EPSTI1: variants seen among roughly 807,000 people sequenced by gnomAD.
EPSTI1 encodes the protein epithelial-stromal interaction protein 1.
A neutral mutation model predicts 49.9 loss-of-function variants in EPSTI1; 66 were observed. The ratio of observed to expected loss-of-function variants is 1.32; its 90% CI spans 1.08 to 1.62. EPSTI1 has a LOEUF of 1.62. EPSTI1 is among the 40% of genes most tolerant of loss of function. The pLI, the probability that EPSTI1 is intolerant of heterozygous loss-of-function variation, is 0.00. For missense variants in EPSTI1, 394 were observed against 365.5 expected (o/e 1.08, Z -0.64); for synonymous variants, 137 against 130.7 (o/e 1.05, Z -0.33).
intron 10 of EPSTI1, among the ~76,000 whole-genome samples, chr13:42,892,411 T>A (rs1345025808): frequency 6.6e-6 from 1 of 152,090 alleles, no homozygotes; most frequent in East Asian, 1.9e-4. Context: ...ATAATGATGA[T>A]AAGGGTGGTG....
intron 2 of EPSTI1, chr13:42,969,407 G>GA (rs1435521662): frequency 2.1e-6 from 1 of 473,430 alleles, no homozygotes; most frequent in Non-Finnish European, 3.7e-6. Context: ...GTTCGAATTT[G>GA]AAAAACCACC....
chr13:42,921,971 A>T (rs372903785), intron 7 of EPSTI1, among the ~76,000 whole-genome samples: 1 of 152,256 alleles, frequency 6.6e-6, no homozygotes, highest in East Asian at 1.9e-4. Context: ...CTGTCAGAAG[A>T]CAGTCAAATG....
chr13:42,970,393 C>A, intron 2 of EPSTI1: 2 of 422,268 alleles, frequency 4.7e-6, no homozygotes, highest in Non-Finnish European at 8.3e-6. Context: ...CAGGATCTAC[C>A]ATCATGTCAT....
Position 42,969,155 on chromosome 13 carries a change from G to T in EPSTI1, c.270C>A (p.Asn90Lys). ...IQRIAEQELA[N>K]LEKWKEQNRA... Reference sequence around the variant, plus strand: ...TGTTCTGCTCCTTCCACTTCTCCAGGTTGGCCAGCTCCTGCTCCGCAACTA... The same window carrying T: ...TGTTCTGCTCCTTCCACTTCTCCAGTTTGGCCAGCTCCTGCTCCGCAACTA... Residue 90 changes from asparagine to lysine, a missense_variant, in exon 3 of 11, where the codon AAC (asparagine) becomes AAA (lysine). Physicochemically the swap from Asn to Lys is moderately conservative, Grantham distance 94. Coordinates refer to ENST00000313624, the MANE Select transcript of EPSTI1 (RefSeq NM_033255.5). The T allele has an allele frequency of 6.2e-7, 1 of 1,614,030 alleles. No individual in the cohort carries two copies. The highest frequency in any genetic ancestry group is 8.5e-7 in the Non-Finnish European group (1 of 1,179,996).
intron 5 of EPSTI1, 112 bp downstream of exon 5, chr13:42,963,141 AAG>A (rs10677198): frequency 1.7e-3 from 1,288 of 736,818 alleles, no homozygotes; most frequent in Non-Finnish European, 2.0e-3. Flanking sequence ...GGGGAATAGA[AAG>A]AGAGAGAGAG....
chr13:42,986,215 C>A (rs2040075418), intron 1 of EPSTI1, among the ~76,000 whole-genome samples: 1 of 152,212 alleles, frequency 6.6e-6, no homozygotes, highest in South Asian at 2.1e-4. Flanking sequence ...CTTCTGAAGA[C>A]AATCTGAATA....
intron 9 of EPSTI1, among the ~76,000 whole-genome samples, chr13:42,896,335 C>T (rs148681614): frequency 2.7e-4 from 41 of 152,154 alleles, no homozygotes; most frequent in African/African-American, 8.0e-4. Context: ...TATCCTACTT[C>T]GCTGGAGACT....
At chr13:42,927,444 C>T (rs1183669078) in intron 6 of EPSTI1, among the ~76,000 whole-genome samples, 1 of 152,224 alleles carries the variant, frequency 6.6e-6, no homozygotes, top group Non-Finnish European at 1.5e-5. Flanking sequence ...TCCCATCTCC[C>T]TCCCTCCTCC....
rs2296245 is a variant in EPSTI1, at chr13:42,894,937, A to G, written c.915+72T>C. 2.7e-4 allele frequency: 372 copies of G among 1,367,498 alleles called. 3 individuals carry two copies. The East Asian group carries it at 8.8e-3, about 32-fold the overall frequency. 84.7% of individuals were successfully genotyped at this position (1,367,498 alleles called of 1,614,324 possible). ...TAATATCTGGGGAGAAGGCCAAAAC[A>G]TATATTAAAAATTCTCATTGTTTTT... On this transcript the variant is annotated intron_variant, in intron 10 of 10. Coordinates refer to ENST00000313624, the MANE Select transcript of EPSTI1 (RefSeq NM_033255.5).
intron 6 of EPSTI1, among the ~76,000 whole-genome samples, chr13:42,944,415 A>T (rs1179904812): frequency 1.3e-5 from 2 of 152,188 alleles, no homozygotes. Context: ...AAACTAACAC[A>T]GGAACAGAAA....
chr13:42,950,314 T>C (rs1263438273), intron 6 of EPSTI1, among the ~76,000 whole-genome samples: 2 of 152,256 alleles, frequency 1.3e-5, no homozygotes, highest in Non-Finnish European at 2.9e-5. Flanking sequence ...AACCATCCTG[T>C]GTGCTCCATC....
intron 9 of EPSTI1, 64 bp from the exon 10 acceptor site, chr13:42,895,172 A>C: frequency 7.7e-7 from 1 of 1,303,048 alleles, no homozygotes; most frequent in Non-Finnish European, 1.1e-6. Context: ...GATTTCTGAG[A>C]ATCTAATGTG....
At chr13:42,981,827 G>A (rs1325119380) in intron 1 of EPSTI1, among the ~76,000 whole-genome samples, 2 of 152,004 alleles carry the variant, frequency 1.3e-5, no homozygotes, top group African/African-American at 4.8e-5. Flanking sequence ...ATATAATAAA[G>A]GTGAAAATTG....
intron 10 of EPSTI1, chr13:42,889,119 CAT>C: frequency 9.8e-7 from 1 of 1,015,592 alleles, no homozygotes; most frequent in Non-Finnish European, 1.5e-6. Flanking sequence ...CCCCTGAAGA[CAT>C]AGGATTTAGA....
At chr13:42,952,157 G>A (rs760111547) in intron 6 of EPSTI1, among the ~76,000 whole-genome samples, 19 of 152,166 alleles carry the variant, frequency 1.2e-4, no homozygotes, top group African/African-American at 2.9e-4. Context: ...ACCGATCAAC[G>A]GGATGTGGGC....
intron 1 of EPSTI1, among the ~76,000 whole-genome samples, chr13:42,986,239 G>A (rs2153436585): frequency 6.6e-6 from 1 of 152,278 alleles, no homozygotes; most frequent in South Asian, 2.1e-4. Flanking sequence ...AGTTTCTCTG[G>A]CTGTCCAGAG....
At chr13:42,944,292 G>A (rs1409657088) in intron 6 of EPSTI1, among the ~76,000 whole-genome samples, 1 of 152,150 alleles carries the variant, frequency 6.6e-6, no homozygotes, top group Non-Finnish European at 1.5e-5. Context: ...ATGTTGGGCT[G>A]GATAAAGAAA....
At chr13:42,908,238 C>G (rs1003614175) in intron 8 of EPSTI1, among the ~76,000 whole-genome samples, 2 of 152,206 alleles carry the variant, frequency 1.3e-5, no homozygotes, top group Non-Finnish European at 2.9e-5. Flanking sequence ...GTAATCCCCA[C>G]CCTTTGGGAG....
At position 42,887,464 on chromosome 13, in the gene EPSTI1, A is replaced by G. The variant is rs769959145; in HGVS notation, c.*1030T>C. 6.6e-6 allele frequency: 1 copy of G among 152,238 alleles called. No homozygotes were observed. Among genetic ancestry groups the G allele is most frequent in the African/African-American group, 2.4e-5 (1 of 41,454 alleles). The allele number at this position is 152,238 out of a possible 1,614,324, so 9.4% of individuals were successfully genotyped here. A position where few individuals can be genotyped will look rare whatever the true frequency, so the allele number is the denominator to read the frequency against. On this transcript the variant is annotated 3_prime_UTR_variant, in exon 11 of 11. Coordinates refer to ENST00000313624, the MANE Select transcript of EPSTI1 (RefSeq NM_033255.5). ...AGATCTCTTAATGCTGCAAAGTATT[A>G]TTAGTTGTCCAGCTGCAAAGATGAT...
Sources: allele counts gnomAD v4.1 joint callset (sites outside exome capture counted in the v4.1 genomes callset), GRCh38; gene constraint gnomAD v4.1.1; transcripts MANE v1.5; gene names NCBI Gene and HGNC (gene_info 2026-07-23, HGNC 2026-07-21).